The following BRINP1 variants were observed in gnomAD, a reference collection of about 807,000 sequenced individuals.
The protein encoded by BRINP1 is BMP/retinoic acid-inducible neural-specific protein 1.
A neutral mutation model predicts 72.9 loss-of-function variants in BRINP1; 17 were observed. That is an observed-to-expected ratio of 0.23 (90% CI 0.16 to 0.35). BRINP1 has a LOEUF of 0.35. Ranked by LOEUF, BRINP1 falls within the 10% of genes least tolerant of loss-of-function variation. The probability of loss-of-function intolerance (pLI) is 1.00; values close to 1 mark genes in which losing one functional copy is unlikely to be tolerated. For missense variants in BRINP1, 850 were observed against 1,001.6 expected (o/e 0.85, Z 2.04); for synonymous variants, 418 against 378.5 (o/e 1.10, Z -1.21).
At chr9:119,284,857 G>A (rs565848149) in intron 2 of BRINP1, among the ~76,000 whole-genome samples, 7 of 152,108 alleles carry the variant, frequency 4.6e-5, no homozygotes, top group African/African-American at 9.6e-5. Context: ...CAAGGGAGCC[G>A]GCTCATGGAA....
At chr9:119,174,971 G>A in intron 7 of BRINP1, among the ~76,000 whole-genome samples, 1 of 148,876 alleles carries the variant, frequency 6.7e-6, no homozygotes, top group East Asian at 2.0e-4. Context: ...CTGTTGTGGG[G>A]TGGGGGGAGG....
intron 2 of BRINP1, among the ~76,000 whole-genome samples, chr9:119,271,661 G>T (rs72761727): frequency 3.0e-4 from 46 of 151,912 alleles, no homozygotes; most frequent in Admixed American, 3.0e-3. Flanking sequence ...AAAAGAGAGA[G>T]AAAAAATAAG....
chr9:119,315,814 GGTCAAAACA>G (rs1223082224), intron 1 of BRINP1, among the ~76,000 whole-genome samples: 2 of 152,200 alleles, frequency 1.3e-5, no homozygotes, highest in African/African-American at 4.8e-5. Context: ...CTGGGTAGCA[GGTCAAAACA>G]GTCACAACAT....
intron 2 of BRINP1, among the ~76,000 whole-genome samples, chr9:119,293,787 A>T (rs1830845609): frequency 6.6e-6 from 1 of 152,344 alleles, no homozygotes; most frequent in Admixed American, 6.5e-5. Context: ...AGATGGAAAA[A>T]TAAGAGCTAT....
chr9:119,278,986 G>C (rs992800847), intron 2 of BRINP1, among the ~76,000 whole-genome samples: 15 of 151,940 alleles, frequency 9.9e-5, no homozygotes, highest in African/African-American at 3.4e-4. Flanking sequence ...AAAAAAGAAA[G>C]CAGATATAAT....
At chr9:119,222,353 C>T (rs533439218) in intron 5 of BRINP1, among the ~76,000 whole-genome samples, 1 of 152,028 alleles carries the variant, frequency 6.6e-6, no homozygotes, top group Non-Finnish European at 1.5e-5. Context: ...TTTTTATAAA[C>T]AAATTTTACT....
At chr9:119,352,146 G>A (rs1462809394) in intron 1 of BRINP1, among the ~76,000 whole-genome samples, 1 of 152,094 alleles carries the variant, frequency 6.6e-6, no homozygotes, top group Non-Finnish European at 1.5e-5. Context: ...TTAGGTATCC[G>A]TAAAGTCAGC....
chr9:119,201,719 AATG>A (rs1470267429), intron 7 of BRINP1, among the ~76,000 whole-genome samples: 9 of 152,178 alleles, frequency 5.9e-5, no homozygotes, highest in Non-Finnish European at 1.3e-4. Flanking sequence ...GAGGCTAGAT[AATG>A]ATGGTTGGAG....
chr9:119,336,734 A>T (rs1313745804), intron 1 of BRINP1, among the ~76,000 whole-genome samples: 1 of 152,124 alleles, frequency 6.6e-6, no homozygotes, highest in East Asian at 1.9e-4. Context: ...GTACCCTTGG[A>T]GGTTCAGAAC....
At chr9:119,180,248 G>A (rs868680652) in intron 7 of BRINP1, among the ~76,000 whole-genome samples, 1 of 152,170 alleles carries the variant, frequency 6.6e-6, no homozygotes, top group African/African-American at 2.4e-5. Flanking sequence ...TAAAAGTACA[G>A]AGGAAATGGA....
In BRINP1 at chr9:119,300,044, G is replaced by GGT. The variant is rs201203741; in HGVS notation, c.218+13093_218+13094insAC. Among the ~76,000 whole-genome samples, 152 of 152,200 alleles carry GGT rather than the reference G, an allele frequency of 1.0e-3. No individual in the cohort carries two copies. In the East Asian group the frequency reaches 0.026, roughly 26 times the overall value. On this transcript the variant is annotated intron_variant, in intron 2 of 7. Transcript: ENST00000265922. The stretch of plus-strand genomic sequence containing the variant: ...ACTCCACAGTACCGCCTTCCTCAGT[G>GGT]ATTCGTTTCACACCCCACTTCACAA...
intron 2 of BRINP1, among the ~76,000 whole-genome samples, chr9:119,300,966 C>T (rs1368002216): frequency 6.6e-6 from 1 of 152,212 alleles, no homozygotes; most frequent in Non-Finnish European, 1.5e-5. Context: ...CTTTACTCGG[C>T]ACCTACTAAA....
intron 5 of BRINP1, among the ~76,000 whole-genome samples, chr9:119,226,678 G>C (rs560561816): frequency 1.4e-5 from 2 of 148,000 alleles, no homozygotes; most frequent in South Asian, 4.3e-4. Flanking sequence ...GTTTTTTTTT[G>C]TCTTCTCCGG....
At chr9:119,170,325 G>C (rs1336045521) in intron 7 of BRINP1, among the ~76,000 whole-genome samples, 2 of 151,884 alleles carry the variant, frequency 1.3e-5, no homozygotes, top group Admixed American at 1.3e-4. Flanking sequence ...CGAGAACTAC[G>C]TGTAGAATGC....
intron 1 of BRINP1, among the ~76,000 whole-genome samples, chr9:119,353,483 T>TGTTA (rs1201348966): frequency 5.9e-5 from 9 of 152,344 alleles, no homozygotes; most frequent in Middle Eastern, 3.4e-3. Flanking sequence ...ATAACGCCAG[T>TGTTA]GTTAGAGTGA....
intron 7 of BRINP1, among the ~76,000 whole-genome samples, chr9:119,186,713 G>C (rs1375947254): frequency 6.6e-6 from 1 of 152,160 alleles, no homozygotes; most frequent in Non-Finnish European, 1.5e-5. Flanking sequence ...ATCTGGACCA[G>C]CCCTCTGAAG....
chr9:119,259,961 G>A (rs1447591959), intron 2 of BRINP1, among the ~76,000 whole-genome samples: 1 of 152,142 alleles, frequency 6.6e-6, no homozygotes, highest in Non-Finnish European at 1.5e-5. Context: ...AGATATTTTA[G>A]GATTAGTGAG....
rs145808933 is a variant in BRINP1 at position 119,205,356 on chromosome 9, A to G, written c.1145+3363T>C. On this transcript the variant is annotated intron_variant, in intron 7 of 7. Transcript: ENST00000265922. The stretch of plus-strand genomic sequence containing the variant: ...CAGACATCCTCTCCAGGTGAGAAGA[A>G]TATGATGATTAGGGCAGGTTTTCTC... Among the ~76,000 whole-genome samples the G allele has an allele frequency of 5.9e-5, 9 of 152,280 alleles. No homozygotes were observed. In the East Asian group the frequency reaches 1.7e-3, roughly 30 times the overall value.
chr9:119,221,849 C>T (rs965505982), intron 5 of BRINP1, among the ~76,000 whole-genome samples: 1 of 152,068 alleles, frequency 6.6e-6, no homozygotes, highest in African/African-American at 2.4e-5. Flanking sequence ...CAGAGGACTC[C>T]CCAACACTGG....
Sources: allele counts gnomAD v4.1 joint callset (sites outside exome capture counted in the v4.1 genomes callset), GRCh38; gene constraint gnomAD v4.1.1; transcripts MANE v1.5; gene names NCBI Gene and HGNC (gene_info 2026-07-23, HGNC 2026-07-21).